The following SPEF1 variants were observed in gnomAD, a reference collection of about 807,000 sequenced individuals.
SPEF1 encodes the protein sperm flagellar and cilia associated 1, also known as sperm flagella and cilia-associated protein 1.
SPEF1 carries 30 observed loss-of-function variants against 31.8 expected under a neutral mutation model. That is an observed-to-expected ratio of 0.94 (90% CI 0.70 to 1.28). SPEF1 has a LOEUF of 1.28. Ranked by LOEUF, SPEF1 falls within the 50% of genes most tolerant of loss-of-function variation. The probability of loss-of-function intolerance (pLI) is 0.00; values close to 1 mark genes in which losing one functional copy is unlikely to be tolerated. For missense variants in SPEF1, 298 were observed against 309.6 expected (o/e 0.96, Z 0.28); for synonymous variants, 126 against 130.1 (o/e 0.97, Z 0.21).
chr20:3,779,458 C>T (rs754286835), intron 2 of SPEF1, 106 bp from the exon 3 acceptor site: 181 of 1,068,056 alleles, frequency 1.7e-4, no homozygotes, highest in Middle Eastern at 2.7e-4. Context: ...GTGTACAGCC[C>T]TGGGGGAGTG....
rs376869168 is a variant in SPEF1, at chr20:3,778,596, CCCTT to C, written c.480-56_480-53del. 9,998 of 1,576,424 alleles carry C rather than the reference CCCTT, an allele frequency of 6.3e-3. 506 individuals are homozygous for C. The African/African-American group carries it at 0.12, about 18-fold the overall frequency. On this transcript the variant is annotated intron_variant, in intron 5 of 6. Transcript: ENST00000379756. ...GCTTGGACCTCGGGCCCTACACTCA[CCCTT>C]CCAGGGCCCTCGACCAGGCCTTCCC...
In SPEF1 at chr20:3,778,146, T is replaced by C. The variant is rs1600360776; in HGVS notation, c.*66A>G. 1 of 1,170,310 alleles carries C rather than the reference T, an allele frequency of 8.5e-7. No individual in the cohort carries two copies. The highest frequency in any genetic ancestry group is 2.6e-5 in the East Asian group (1 of 38,672). 72.5% of individuals were successfully genotyped at this position (1,170,310 alleles called of 1,614,324 possible). On this transcript the variant is annotated 3_prime_UTR_variant, in exon 7 of 7. Transcript: ENST00000379756. ...TCCCAATGGTCTATCCATCGGTGGG[T>C]GGGTCCGGCGCGGCGTCGGGGCTCT... is the stretch of plus-strand genomic sequence containing the variant.
rs55996387 is a variant in SPEF1 at position 3,780,416 on chromosome 20, GCACACACACACA to G, written c.110-653_110-642del. Among the ~76,000 whole-genome samples the G allele has an allele frequency of 7.3e-5, 10 of 137,820 alleles. No individual in the cohort carries two copies. In the East Asian group the frequency reaches 1.0e-3, roughly 14 times the overall value. The allele number at this position is 137,820 out of a possible 152,430, so 90.4% of individuals were successfully genotyped here. A position where few individuals can be genotyped will look rare whatever the true frequency, so the allele number is the denominator to read the frequency against. Reference sequence around the variant, plus strand: ...CAGGGAATTCACATGGATGCATGATGCACACACACACACACACACACACACACACACACACTC... The same window carrying G: ...CAGGGAATTCACATGGATGCATGATGCACACACACACACACACACACACTC... On this transcript the variant is annotated intron_variant, in intron 1 of 6. Transcript: ENST00000379756.
Position 3,781,400 on chromosome 20 carries a change from C to A in SPEF1, c.-113G>T. On this transcript the variant is annotated 5_prime_UTR_variant, in exon 1 of 7. Transcript: ENST00000379756. ...AGAAGCCCATAACTGCCTCTGCCTG[C>A]CTAATCCAGAGACTCACGTCCCAGC... 6.9e-7 allele frequency: 1 copy of A among 1,440,786 alleles called. No individual in the cohort carries two copies. Among genetic ancestry groups the A allele is most frequent in the Non-Finnish European group, 9.2e-7 (1 of 1,086,058 alleles). 89.3% of individuals were successfully genotyped at this position (1,440,786 alleles called of 1,614,324 possible).
In SPEF1 at chr20:3,778,172, G is replaced by A. The variant is rs982726690; in HGVS notation, c.*40C>T. Reference sequence around the variant, plus strand: ...GGGTCCGGCGCGGCGTCGGGGCTCTGGCGGGTACCCGGGCGTCCCCGCGCG... The same window carrying A: ...GGGTCCGGCGCGGCGTCGGGGCTCTAGCGGGTACCCGGGCGTCCCCGCGCG... On this transcript the variant is annotated 3_prime_UTR_variant, in exon 7 of 7. Coordinates refer to ENST00000379756, the MANE Select transcript of SPEF1 (RefSeq NM_015417.5). The A allele has an allele frequency of 7.1e-7, 1 of 1,417,660 alleles. No homozygotes were observed. Among genetic ancestry groups the A allele is most frequent in the African/African-American group, 1.4e-5 (1 of 69,124 alleles). 87.8% of individuals were successfully genotyped at this position (1,417,660 alleles called of 1,614,324 possible).
chr20:3,780,078 C>T (rs2088770625), intron 1 of SPEF1, among the ~76,000 whole-genome samples: 1 of 152,024 alleles, frequency 6.6e-6, no homozygotes. Context: ...GGGCTCACAC[C>T]TGTAATCCCA....
intron 5 of SPEF1, 67 bp from the exon 6 acceptor site, chr20:3,778,611 C>A (rs3099733): frequency 6.4e-7 from 1 of 1,564,748 alleles, no homozygotes; most frequent in East Asian, 2.3e-5. Flanking sequence ...CCAGGGCCCT[C>A]GACCAGGCCT....
chr20:3,781,132 C>T, intron 1 of SPEF1, 47 bp downstream of exon 1: 1 of 1,603,930 alleles, frequency 6.2e-7, no homozygotes, highest in Non-Finnish European at 8.5e-7. Context: ...AGACCCGTTA[C>T]ACACGAACAT....
chr20:3,779,556 C>T, intron 2 of SPEF1, 108 bp downstream of exon 2: 1 of 946,358 alleles, frequency 1.1e-6, no homozygotes, highest in Non-Finnish European at 1.7e-6. Flanking sequence ...ATTTTGTAAT[C>T]GGACGAATTC....
chr20:3,778,724 C>T lies in SPEF1; in HGVS notation c.479+22G>A, dbSNP rs780303067. 2.5e-6 allele frequency: 4 copies of T among 1,612,438 alleles called. No homozygotes were observed. The East Asian group carries it at 8.9e-5, about 36-fold the overall frequency. On this transcript the variant is annotated intron_variant, in intron 5 of 6. Transcript: ENST00000379756. ...GCAGAGATCACCAGCCTGGTGAAGT[C>T]TGGAACTCCCAGCTTCTTTACCTGA... is the stretch of plus-strand genomic sequence containing the variant.
chr20:3,779,528 T>G, intron 2 of SPEF1, 136 bp downstream of exon 2: 2 of 878,232 alleles, frequency 2.3e-6, no homozygotes, highest in Non-Finnish European at 3.7e-6. Context: ...GCCTCCTTCC[T>G]AATAGAAGAG....
rs536302445 is a variant in SPEF1, at chr20:3,778,683, C to G, written c.479+63G>C. The G allele has an allele frequency of 5.0e-6, 8 of 1,598,018 alleles. No homozygotes were observed. The African/African-American group carries it at 9.4e-5, about 19-fold the overall frequency. On this transcript the variant is annotated intron_variant, in intron 5 of 6. Transcript: ENST00000379756. ...TCTCAGGCTCAGCGTACCGTGCCCC[C>G]CAACCCCAGCTGTGTGCAGAGATCA...
chr20:3,779,116 C>A, intron 3 of SPEF1, 80 bp downstream of exon 3: 1 of 1,552,862 alleles, frequency 6.4e-7, no homozygotes, highest in Admixed American at 1.9e-5. Flanking sequence ...ACTTATCACC[C>A]AGGCTGGCCT....
chr20:3,778,921 G>T, intron 4 of SPEF1, 30 bp downstream of exon 4: 1 of 1,614,010 alleles, frequency 6.2e-7, no homozygotes. Flanking sequence ...AGCTCCAACC[G>T]GGAGGGAGAA....
At position 3,781,238 on chromosome 20, in the gene SPEF1, A is replaced by C. The variant is rs1314083711; in HGVS notation, c.50T>G (p.Val17Gly). 1 of 1,614,204 alleles carries C rather than the reference A, an allele frequency of 6.2e-7. No homozygotes were observed. Among genetic ancestry groups the C allele is most frequent in the Non-Finnish European group, 8.5e-7 (1 of 1,180,038 alleles). ...GGGCCGGGACAGAGGGATGTTGTCT[A>C]CCCACAGGTACAGCTGGTGCAGCGC... is the stretch of plus-strand genomic sequence containing the variant. ...EEALHQLYLW[V>G]DNIPLSRPKR... Residue 17 changes from valine (V) to glycine (G), a missense_variant, in exon 1 of 7, where the codon GTA (valine) becomes GGA (glycine). Physicochemically the swap from Val to Gly is moderately radical, Grantham distance 109 (BLOSUM62 -3). Coordinates refer to ENST00000379756, the MANE Select transcript of SPEF1 (RefSeq NM_015417.5).
rs559833405 is a variant in SPEF1, at chr20:3,778,827, G to T, written c.419-21C>A. The stretch of plus-strand genomic sequence containing the variant: ...TACACCTGAGACAAGGCAAGTGGAG[G>T]AATGACTGTGCTGGAGTCTCATTCT... On this transcript the variant is annotated intron_variant, in intron 4 of 6. Coordinates refer to ENST00000379756, the MANE Select transcript of SPEF1 (RefSeq NM_015417.5). The T allele has an allele frequency of 1.9e-6, 3 of 1,613,710 alleles. No individual in the cohort carries two copies. In the Admixed American group the frequency reaches 5.0e-5, roughly 27 times the overall value.
chr20:3,779,107 C>T (rs181218893), intron 3 of SPEF1, 89 bp downstream of exon 3: 31 of 1,564,756 alleles, frequency 2.0e-5, no homozygotes, highest in Admixed American at 1.5e-4. Flanking sequence ...CTCCCCCACA[C>T]TTATCACCCA....
rs1157407161 is a variant in SPEF1 at position 3,779,187 on chromosome 20, G to T, written c.378+9C>A. 6.4e-7 allele frequency: 1 copy of T among 1,563,840 alleles called. No homozygotes were observed. Among genetic ancestry groups the T allele is most frequent in the Admixed American group, 1.8e-5 (1 of 54,822 alleles). ...CAGAGCAGTGGGAGAAGCTGGAGCGGGGTGGCACCTGTAAGGAGCCGGCGC... is the reference window on the plus strand; with the variant it reads ...CAGAGCAGTGGGAGAAGCTGGAGCGTGGTGGCACCTGTAAGGAGCCGGCGC... On this transcript the variant is annotated intron_variant, in intron 3 of 6. Coordinates refer to ENST00000379756, the MANE Select transcript of SPEF1 (RefSeq NM_015417.5).
chr20:3,779,401 C>T, intron 2 of SPEF1, 49 bp from the exon 3 acceptor site: 1 of 1,500,466 alleles, frequency 6.7e-7, no homozygotes, highest in Non-Finnish European at 9.1e-7. Flanking sequence ...GGAAATGAAG[C>T]GAGGGGATGG....
Sources: gnomAD v4.1 joint callset for allele counts (sites outside exome capture counted in the v4.1 genomes callset) on GRCh38, gnomAD v4.1.1 for gene constraint, MANE v1.5 for transcripts, NCBI Gene and HGNC (gene_info 2026-07-23, HGNC 2026-07-21) for gene names.